The following TYW1B variants were observed in gnomAD, a reference collection of about 807,000 sequenced individuals.
The protein encoded by TYW1B is S-adenosyl-L-methionine-dependent tRNA 4-demethylwyosine synthase TYW1B.
TYW1B carries 73 observed loss-of-function variants against 86.9 expected under a neutral mutation model. The ratio of observed to expected loss-of-function variants is 0.84; its 90% confidence interval spans 0.70 to 1.02. TYW1B has a LOEUF of 1.02. Among genes scored for constraint, TYW1B ranks in the 50% least tolerant of loss-of-function variants. The probability of loss-of-function intolerance (pLI) is 0.00; values close to 1 mark genes in which losing one functional copy is unlikely to be tolerated. For synonymous variants in TYW1B, 248 were observed against 292.8 expected (o/e 0.85, Z 1.56); for missense variants, 637 against 827.4 (o/e 0.77, Z 2.82).
intron 9 of TYW1B, among the ~76,000 whole-genome samples, chr7:72,724,224 T>C (rs1333260063): frequency 6.6e-6 from 1 of 152,078 alleles, no homozygotes; most frequent in African/African-American, 2.4e-5. Flanking sequence ...GTAATCCCAG[T>C]ACTTTGAGAG....
At chr7:72,593,352 G>A (rs1811446282) in intron 13 of TYW1B, among the ~76,000 whole-genome samples, 3 of 151,728 alleles carry the variant, frequency 2.0e-5, no homozygotes, top group Admixed American at 2.0e-4. Context: ...AAGCCAACTT[G>A]ATTTAACAGG....
At chr7:72,757,185 T>A (rs1284588727) in intron 7 of TYW1B, among the ~76,000 whole-genome samples, 1 of 151,932 alleles carries the variant, frequency 6.6e-6, no homozygotes, top group Non-Finnish European at 1.5e-5. Flanking sequence ...CTGACCAACA[T>A]GGTGAAACCC....
rs1787365639 is a variant in TYW1B at position 72,744,715 on chromosome 7, C to T, written c.965-114G>A. The T allele has an allele frequency of 4.1e-6, 5 of 1,219,702 alleles. No individual in the cohort carries two copies. The South Asian group carries it at 5.0e-5, about 12-fold the overall frequency. The allele number at this position is 1,219,702 out of a possible 1,614,324, so 75.6% of individuals were successfully genotyped here. ...TGTTTCGTAACCATGAATACTCCTA[C>T]TAGTATCTGCATGACGCAGGAAATT... is the stretch of plus-strand genomic sequence containing the variant. On this transcript the variant is annotated intron_variant, in intron 7 of 13. Transcript: ENST00000620995.
At chr7:72,730,946 A>G (rs1485562793) in intron 8 of TYW1B, among the ~76,000 whole-genome samples, 8 of 136,566 alleles carry the variant, frequency 5.9e-5, no homozygotes, top group African/African-American at 1.1e-4. Context: ...AAAAAAAAAA[A>G]GCCTCCTTGA....
chr7:72,711,607 C>T (rs1786670483), intron 10 of TYW1B, among the ~76,000 whole-genome samples: 1 of 144,726 alleles, frequency 6.9e-6, no homozygotes, highest in Non-Finnish European at 1.5e-5. Context: ...CTAGCTGGGA[C>T]TACAGACAAC....
chr7:72,710,084 A>G (rs189759131), intron 10 of TYW1B, among the ~76,000 whole-genome samples: 6 of 152,174 alleles, frequency 3.9e-5, no homozygotes, highest in African/African-American at 1.4e-4. Flanking sequence ...TAAATATCTT[A>G]TATCATACTC....
chr7:72,753,961 T>C (rs1554465533), intron 7 of TYW1B, among the ~76,000 whole-genome samples: 3 of 152,182 alleles, frequency 2.0e-5, no homozygotes, highest in East Asian at 3.8e-4. Flanking sequence ...ATTTGCTTCG[T>C]TGCAGTGGTC....
Position 72,575,200 on chromosome 7 carries a change from T to C in TYW1B, c.*298A>G. 8.3e-7 allele frequency: 1 copy of C among 1,199,306 alleles called. No individual in the cohort carries two copies. Among genetic ancestry groups the C allele is most frequent in the Non-Finnish European group, 1.0e-6 (1 of 961,908 alleles). 74.3% of individuals were successfully genotyped at this position (1,199,306 alleles called of 1,614,324 possible). A position where few individuals can be genotyped will look rare whatever the true frequency, so the allele number is the denominator to read the frequency against. On this transcript the variant is annotated 3_prime_UTR_variant, in exon 14 of 14. Coordinates refer to ENST00000620995, the MANE Select transcript of TYW1B (RefSeq NM_001145440.3). ...GCATTCTGGCAGGTCTTAGAAGTTA[T>C]AATACAAAACCATCAGTTAAATTCT...
At chr7:72,796,950 C>A (rs9792101) in intron 6 of TYW1B, among the ~76,000 whole-genome samples, 1 of 135,420 alleles carries the variant, frequency 7.4e-6, no homozygotes, top group Admixed American at 7.8e-5. Context: ...ATTACAGGCA[C>A]GTACCACTAT....
chr7:72,792,987 A>T (rs1302750271), intron 6 of TYW1B, among the ~76,000 whole-genome samples: 1 of 152,212 alleles, frequency 6.6e-6, no homozygotes, highest in African/African-American at 2.4e-5. Flanking sequence ...GGATCCAGGA[A>T]AAACAGGAAC....
intron 13 of TYW1B, among the ~76,000 whole-genome samples, chr7:72,589,926 A>G (rs1420258481): frequency 2.6e-5 from 4 of 152,228 alleles, no homozygotes; most frequent in Non-Finnish European, 5.9e-5. Context: ...TTTAAAAGGA[A>G]ACTTGTAGGA....
rs1422675318 is a variant in TYW1B, at chr7:72,813,465, C to T, written c.237+1915G>A. Among the ~76,000 whole-genome samples, 9 of 152,252 alleles carry T rather than the reference C, an allele frequency of 5.9e-5. 1 individual carries two copies. Among genetic ancestry groups the T allele is most frequent in the African/African-American group, 2.2e-4 (9 of 41,564 alleles). ...TGTTGGGATTACAGGCGTGGGCCAC[C>T]ACGCCCAGCCTCTAACTGCTTCTCT... On this transcript the variant is annotated intron_variant, in intron 3 of 13. Coordinates refer to ENST00000620995, the MANE Select transcript of TYW1B (RefSeq NM_001145440.3).
chr7:72,614,265 A>G (rs1812011417), intron 13 of TYW1B, among the ~76,000 whole-genome samples: 1 of 152,168 alleles, frequency 6.6e-6, no homozygotes, highest in Non-Finnish European at 1.5e-5. Context: ...CTTAAATCCC[A>G]TTTCTACTCC....
Position 72,596,731 on chromosome 7 carries a change from G to A in TYW1B, c.1785+19941C>T, listed in dbSNP as rs144263839. The stretch of plus-strand genomic sequence containing the variant: ...TGACATTGAACATAGCAGTGATTTC[G>A]TGGGTATGGAGAATAGGCAAGAAAA... On this transcript the variant is annotated intron_variant, in intron 13 of 13. Transcript: ENST00000620995. Among the ~76,000 whole-genome samples the A allele has an allele frequency of 1.2e-3, 188 of 152,242 alleles. 5 individuals carry two copies. The East Asian group carries it at 0.033, about 27-fold the overall frequency.
intron 9 of TYW1B, among the ~76,000 whole-genome samples, chr7:72,720,128 G>A (rs1786868406): frequency 6.6e-6 from 1 of 152,104 alleles, no homozygotes; most frequent in African/African-American, 2.4e-5. Context: ...CTACTTTCAA[G>A]GTATCATCAA....
intron 2 of TYW1B, among the ~76,000 whole-genome samples, chr7:72,821,170 T>C (rs1345892243): frequency 6.6e-6 from 1 of 152,126 alleles, no homozygotes; most frequent in Non-Finnish European, 1.5e-5. Context: ...AATGGGGTTT[T>C]GCCATGTTGG....
chr7:72,768,225 G>A (rs531240076), intron 7 of TYW1B, among the ~76,000 whole-genome samples: 1 of 151,678 alleles, frequency 6.6e-6, no homozygotes, highest in East Asian at 2.0e-4. Flanking sequence ...TGGATGACAG[G>A]GCAAGACCCT....
At chr7:72,727,543 C>G (rs1280154744) in intron 9 of TYW1B, among the ~76,000 whole-genome samples, 1 of 152,070 alleles carries the variant, frequency 6.6e-6, no homozygotes, top group African/African-American at 2.4e-5. Context: ...TGCACATTCT[C>G]AGGTGGCTCA....
rs782303226 is a variant in TYW1B, at chr7:72,802,529, G to A, written c.724-7C>T. 4 of 1,613,634 alleles carry A rather than the reference G, an allele frequency of 2.5e-6. No homozygotes were observed. The highest frequency in any genetic ancestry group is 3.4e-6 in the Non-Finnish European group (4 of 1,179,770). Reference sequence around the variant, plus strand: ...TCTCGAAGGGTTCTTCCTCCTGGAAGAGAAATGCTTCAGAAATACATTGTT... The same window carrying A: ...TCTCGAAGGGTTCTTCCTCCTGGAAAAGAAATGCTTCAGAAATACATTGTT... On this transcript the variant is annotated splice_polypyrimidine_tract_variant and splice_region_variant and intron_variant, in intron 5 of 13. Coordinates refer to ENST00000620995, the MANE Select transcript of TYW1B (RefSeq NM_001145440.3).
Sources: allele counts gnomAD v4.1 joint callset (sites outside exome capture counted in the v4.1 genomes callset), GRCh38; gene constraint gnomAD v4.1.1; transcripts MANE v1.5; gene names NCBI Gene and HGNC (gene_info 2026-07-23, HGNC 2026-07-21).